Variants in ADK observed in about 807,000 individuals in gnomAD.
The protein encoded by ADK is adenosine kinase, also known as N6,N6-dimethyladenosine kinase.
ADK carries 24 observed loss-of-function variants against 44.7 expected under a neutral mutation model. The observed-to-expected ratio is 0.54, with a 90% CI of 0.39 to 0.76. The LOEUF is 0.76. Ranked by LOEUF, ADK falls within the 30% of genes least tolerant of loss-of-function variation. ADK has a pLI of 0.00. For missense variants in ADK, 321 were observed against 425.1 expected, an observed-to-expected ratio of 0.76 and a Z score of 2.15; for synonymous variants, 128 against 142.6, an observed-to-expected ratio of 0.90 and a Z score of 0.73.
At chr10:74,302,109 G>GTTT (rs1172807289) in intron 3 of ADK, among the ~76,000 whole-genome samples, 5 of 13,044 alleles carry the variant, frequency 3.8e-4, no homozygotes, top group Admixed American at 1.1e-3. Flanking sequence ...TTGTTTGTTT[G>GTTT]TTTTTTTTTT....
intron 9 of ADK, among the ~76,000 whole-genome samples, chr10:74,666,940 C>T (rs545555422): frequency 6.6e-6 from 1 of 150,914 alleles, no homozygotes; most frequent in East Asian, 2.0e-4. Flanking sequence ...AAGTGATTCT[C>T]GTGCCTCAGC....
intron 6 of ADK, among the ~76,000 whole-genome samples, chr10:74,454,312 A>C (rs1480938183): frequency 6.6e-6 from 1 of 152,174 alleles, no homozygotes; most frequent in Non-Finnish European, 1.5e-5. Context: ...AATAACTAGC[A>C]AAAGTTTTGA....
chr10:74,468,720 A>G (rs191586878), intron 6 of ADK, among the ~76,000 whole-genome samples: 5 of 152,326 alleles, frequency 3.3e-5, no homozygotes, highest in Admixed American at 2.6e-4. Flanking sequence ...TTTATTATAG[A>G]AAACTTTTAA....
rs1242678725 is a variant in ADK at position 74,267,549 on chromosome 10, T to C, written c.194+42958T>C. On this transcript the variant is annotated intron_variant, in intron 3 of 10. Coordinates refer to ENST00000539909, the MANE Select transcript of ADK (RefSeq NM_006721.4). ...AGTTACACCATTAAATTTTTGTTGA[T>C]ATGTGTATCGTGCAGGTGACAGAAA... is the stretch of plus-strand genomic sequence containing the variant. Among the ~76,000 whole-genome samples, 4 of 152,142 alleles carry C rather than the reference T, an allele frequency of 2.6e-5. No homozygotes were observed. The East Asian group carries it at 7.7e-4, about 29-fold the overall frequency.
chr10:74,289,377 G>A (rs991893014), intron 3 of ADK, among the ~76,000 whole-genome samples: 4 of 152,058 alleles, frequency 2.6e-5, no homozygotes, highest in East Asian at 1.9e-4. Context: ...ATGGTACTCT[G>A]CTTTAAACGC....
intron 3 of ADK, among the ~76,000 whole-genome samples, chr10:74,263,536 A>G (rs1024335266): frequency 6.6e-6 from 1 of 152,228 alleles, no homozygotes; most frequent in Non-Finnish European, 1.5e-5. Context: ...GATTTGTTGA[A>G]GATTTGGGTG....
At chr10:74,157,716 TAAA>T (rs35499084) in intron 1 of ADK, among the ~76,000 whole-genome samples, 6 of 133,918 alleles carry the variant, frequency 4.5e-5, no homozygotes, top group African/African-American at 1.1e-4. Context: ...CCATCTTTAC[TAAA>T]AAAAAAAAAA....
At chr10:74,654,254 C>T (rs917018468) in intron 9 of ADK, among the ~76,000 whole-genome samples, 4 of 152,214 alleles carry the variant, frequency 2.6e-5, no homozygotes, top group Non-Finnish European at 5.9e-5. Context: ...TAATGTCCTA[C>T]TCCTGAAATA....
In ADK at chr10:74,440,809, G is replaced by A. The variant is rs116889876; in HGVS notation, c.555+42230G>A. On this transcript the variant is annotated intron_variant, in intron 6 of 10. Coordinates refer to ENST00000539909, the MANE Select transcript of ADK (RefSeq NM_006721.4). ...ATTCTTCCATTGTATATCTTAGGGA[G>A]GCATTATAAAGGTAATATGACATCA... Among the ~76,000 whole-genome samples, 32 of 152,162 alleles carry A rather than the reference G, an allele frequency of 2.1e-4. No homozygotes were observed. In the East Asian group the frequency reaches 5.6e-3, roughly 27 times the overall value.
At chr10:74,372,004 T>G in intron 4 of ADK, 1 of 785,282 alleles carries the variant, frequency 1.3e-6, no homozygotes, top group Non-Finnish European at 2.3e-6. Flanking sequence ...CTGCACTTTG[T>G]GGACATTGCC....
chr10:74,520,318 C>CT (rs908521755), intron 6 of ADK, among the ~76,000 whole-genome samples: 40 of 148,282 alleles, frequency 2.7e-4, no homozygotes, highest in African/African-American at 5.9e-4. Context: ...AAAACAAAGT[C>CT]TTTTTTTTTT....
chr10:74,483,354 T>C (rs1159562510), intron 6 of ADK, among the ~76,000 whole-genome samples: 1 of 152,208 alleles, frequency 6.6e-6, no homozygotes, highest in East Asian at 1.9e-4. Flanking sequence ...AGCTGGTCCC[T>C]GAGCCTGGCC....
chr10:74,183,674 C>G (rs1476225354), intron 1 of ADK, among the ~76,000 whole-genome samples: 1 of 151,754 alleles, frequency 6.6e-6, no homozygotes, highest in Non-Finnish European at 1.5e-5. Context: ...CCACACCTGG[C>G]TGATTTTGCA....
intron 6 of ADK, among the ~76,000 whole-genome samples, chr10:74,511,161 A>G (rs1011317564): frequency 1.3e-5 from 2 of 152,124 alleles, no homozygotes; most frequent in Non-Finnish European, 2.9e-5. Flanking sequence ...GTCAAAAATC[A>G]TTTTGCTGTA....
intron 6 of ADK, among the ~76,000 whole-genome samples, chr10:74,436,129 A>G (rs1845171714): frequency 6.6e-6 from 1 of 152,264 alleles, no homozygotes; most frequent in East Asian, 1.9e-4. Flanking sequence ...TGTAATGTAT[A>G]TGATGATAAC....
intron 6 of ADK, among the ~76,000 whole-genome samples, chr10:74,446,389 C>T (rs1227403710): frequency 6.6e-6 from 1 of 152,020 alleles, no homozygotes; most frequent in African/African-American, 2.4e-5. Flanking sequence ...TCAAAGAGAG[C>T]TTATTAACCT....
intron 2 of ADK, among the ~76,000 whole-genome samples, chr10:74,221,768 G>A (rs1440054324): frequency 1.4e-5 from 2 of 144,464 alleles, no homozygotes; most frequent in African/African-American, 5.4e-5. Flanking sequence ...CAAGCAATGG[G>A]GAAAGGATTC....
chr10:74,430,158 AT>A (rs201184199), intron 6 of ADK, among the ~76,000 whole-genome samples: 5 of 151,938 alleles, frequency 3.3e-5, no homozygotes, highest in African/African-American at 1.2e-4. Context: ...TTTTTAATTA[AT>A]TTTTTTTATT....
intron 9 of ADK, among the ~76,000 whole-genome samples, chr10:74,618,316 G>A (rs971897999): frequency 6.6e-6 from 1 of 150,518 alleles, no homozygotes; most frequent in East Asian, 1.9e-4. Flanking sequence ...TTAGCTTCTC[G>A]GTCTTGCCCT....
Sources: allele counts gnomAD v4.1 joint callset (sites outside exome capture counted in the v4.1 genomes callset), GRCh38; gene constraint gnomAD v4.1.1; transcripts MANE v1.5; gene names NCBI Gene and HGNC (gene_info 2026-07-23, HGNC 2026-07-21).